PARD3B: variants seen among roughly 807,000 people sequenced by gnomAD.
PARD3B encodes partitioning defective 3 homolog B.
A neutral mutation model predicts 130.2 loss-of-function variants in PARD3B; 103 were observed. The ratio of observed to expected loss-of-function variants is 0.79; its 90% CI spans 0.67 to 0.93. The LOEUF is 0.93. PARD3B is among the 40% of genes least tolerant of loss of function. PARD3B has a pLI of 0.00. For missense variants in PARD3B, 1,609 were observed against 1,499.2 expected (o/e 1.07, Z -1.21); for synonymous variants, 583 against 553.2 (o/e 1.05, Z -0.76).
rs145446267 is a variant in PARD3B at position 205,176,953 on chromosome 2, A to G, written c.1924+376A>G. Among the ~76,000 whole-genome samples, 22 of 152,368 alleles carry G rather than the reference A, an allele frequency of 1.4e-4. No individual in the cohort carries two copies. The highest frequency in any genetic ancestry group is 2.4e-4 in the Non-Finnish European group (16 of 68,036). On this transcript the variant is annotated intron_variant, in intron 13 of 22. Coordinates refer to ENST00000406610, the MANE Select transcript of PARD3B (RefSeq NM_001302769.2). This position sits in a 1 kb window ranked among gnomAD's most constrained non-coding sequence, Gnocchi z 5.3. ...TTAAAAATGTATGGATTTATAATCC[A>G]TAAAATGGTCATAGCGTGATTCACA...
At chr2:205,554,889 C>T (rs2052809024) in intron 22 of PARD3B, among the ~76,000 whole-genome samples, 1 of 152,120 alleles carries the variant, frequency 6.6e-6, no homozygotes, top group Non-Finnish European at 1.5e-5. Context: ...ATATCAAGGA[C>T]TTGAGCATCT....
rs72932470 is a variant in PARD3B, at chr2:205,159,730, G to T, written c.1620+823G>T. Among the ~76,000 whole-genome samples, 3 of 152,254 alleles carry T rather than the reference G, an allele frequency of 2.0e-5. No homozygotes were observed. The East Asian group carries it at 5.8e-4, about 29-fold the overall frequency. On this transcript the variant is annotated intron_variant, in intron 11 of 22. Transcript: ENST00000406610. ...GCCACCCTCATTATTATCTCACACC[G>T]TGCAAGGAGACTTCTTGAGTTTGAA...
intron 2 of PARD3B, among the ~76,000 whole-genome samples, chr2:204,783,155 G>A (rs1018127533): frequency 1.3e-5 from 2 of 152,088 alleles, no homozygotes; most frequent in African/African-American, 4.8e-5. Context: ...TCATATCTGA[G>A]CTCTTCATGC....
intron 1 of PARD3B, among the ~76,000 whole-genome samples, chr2:204,581,439 T>A (rs1036884313): frequency 2.0e-5 from 3 of 152,196 alleles, no homozygotes; most frequent in Admixed American, 6.5e-5. Context: ...AATGTTAAAC[T>A]TGAATGGTTA....
At chr2:205,541,461 G>T (rs1280681781) in intron 21 of PARD3B, among the ~76,000 whole-genome samples, 1 of 149,850 alleles carries the variant, frequency 6.7e-6, no homozygotes, top group Non-Finnish European at 1.5e-5. Context: ...CAATTCTCCT[G>T]TCTCAGCCTC....
At chr2:205,382,529 C>T (rs1236193711) in intron 18 of PARD3B, among the ~76,000 whole-genome samples, 1 of 152,010 alleles carries the variant, frequency 6.6e-6, no homozygotes, top group East Asian at 1.9e-4. Flanking sequence ...TATTTTGAAA[C>T]TATGCAAATA....
At chr2:204,807,418 T>C (rs980436767) in intron 2 of PARD3B, among the ~76,000 whole-genome samples, 1 of 152,126 alleles carries the variant, frequency 6.6e-6, no homozygotes, top group African/African-American at 2.4e-5. Context: ...GTACAACCAC[T>C]ACGGAGAACA....
chr2:205,176,298 G>A lies in PARD3B; in HGVS notation c.1792-147G>A. The A allele has an allele frequency of 1.5e-6, 1 of 677,994 alleles. No individual in the cohort carries two copies. The highest frequency in any genetic ancestry group is 2.3e-6 in the Non-Finnish European group (1 of 434,680). The allele number at this position is 677,994 out of a possible 1,614,324, so 42.0% of individuals were successfully genotyped here. On this transcript the variant is annotated intron_variant, in intron 12 of 22. Transcript: ENST00000406610. This position sits in a 1 kb window ranked among gnomAD's most constrained non-coding sequence, Gnocchi z 5.3. ...ACTCAAAGATGTTTTCACTGATAGG[G>A]CCATTTTGAGTTTCCACAGTTGAGG...
At chr2:205,033,960 T>G (rs954274597) in intron 3 of PARD3B, among the ~76,000 whole-genome samples, 1 of 152,182 alleles carries the variant, frequency 6.6e-6, no homozygotes, top group Non-Finnish European at 1.5e-5. Flanking sequence ...ACTTTTATGC[T>G]CATTTACCAT....
chr2:204,808,248 C>T (rs1409374344), intron 2 of PARD3B, among the ~76,000 whole-genome samples: 2 of 151,840 alleles, frequency 1.3e-5, no homozygotes, highest in Non-Finnish European at 2.9e-5. Context: ...ATTTTAGTAC[C>T]TAAGAGTGAA....
At chr2:205,206,269 G>A (rs1307127023) in intron 15 of PARD3B, among the ~76,000 whole-genome samples, 9 of 145,932 alleles carry the variant, frequency 6.2e-5, no homozygotes, top group Non-Finnish European at 1.2e-4. Flanking sequence ...ACATTGTGCA[G>A]GTTAGTTACA....
At chr2:204,622,841 T>A (rs763740011) in intron 1 of PARD3B, among the ~76,000 whole-genome samples, 1 of 152,160 alleles carries the variant, frequency 6.6e-6, no homozygotes, top group East Asian at 1.9e-4. Context: ...TCAGTAAACA[T>A]TTGAGCTAGT....
intron 2 of PARD3B, among the ~76,000 whole-genome samples, chr2:204,691,130 T>C (rs2037335334): frequency 6.6e-6 from 1 of 152,152 alleles, no homozygotes; most frequent in African/African-American, 2.4e-5. Context: ...GCTTAATGCT[T>C]CCTTCCTTTT....
chr2:205,178,234 A>T (rs1476754048), intron 13 of PARD3B, among the ~76,000 whole-genome samples: 3 of 150,448 alleles, frequency 2.0e-5, no homozygotes, highest in Non-Finnish European at 3.0e-5. Context: ...GGGGGGAAAA[A>T]AAAAAGAAGA....
chr2:205,300,667 C>T lies in PARD3B; in HGVS notation c.2323C>T (p.Arg775Ter). The T allele has an allele frequency of 1.2e-6, 2 of 1,613,834 alleles. No homozygotes were observed. The highest frequency in any genetic ancestry group is 2.2e-5 in the East Asian group (1 of 44,866). The change falls in exon 17 of 23, where the codon CGA (arginine) becomes TGA (stop). Residue 775 changes from arginine to a stop codon, truncating the protein, a stop_gained. Transcript: ENST00000406610. LOFTEE classifies it high-confidence loss of function. The surrounding 1 kb of genome is among the most constrained non-coding windows in gnomAD (Gnocchi z 4.1). The stretch of plus-strand genomic sequence containing the variant: ...GCCCCGGCCGCACATGGTTCGAGGC[C>T]GAGGCTGCAATGAGAGCTTTAGAGC... ...HRPRPHMVRG[R>*]GCNESFRAAI...
At chr2:205,532,293 TTTGTG>T (rs1410181408) in intron 21 of PARD3B, among the ~76,000 whole-genome samples, 3 of 152,176 alleles carry the variant, frequency 2.0e-5, no homozygotes, top group African/African-American at 7.2e-5. Flanking sequence ...GTCATGTTTC[TTTGTG>T]TTATGTTTAG....
chr2:205,151,062 T>C (rs549528612), intron 10 of PARD3B, among the ~76,000 whole-genome samples: 1 of 152,348 alleles, frequency 6.6e-6, no homozygotes. Context: ...TAGCTCAATT[T>C]AGCTATTCCA....
At chr2:204,706,732 A>AT (rs1412628191) in intron 2 of PARD3B, among the ~76,000 whole-genome samples, 1 of 152,166 alleles carries the variant, frequency 6.6e-6, no homozygotes, top group Non-Finnish European at 1.5e-5. Context: ...GAGTTTCAGA[A>AT]TTGGAAATTT....
intron 1 of PARD3B, among the ~76,000 whole-genome samples, chr2:204,615,671 C>A (rs1239954020): frequency 1.3e-5 from 2 of 152,132 alleles, no homozygotes; most frequent in Non-Finnish European, 2.9e-5. Flanking sequence ...ACTTTTTAGA[C>A]AGCGTCTGCC....
Sources: allele counts gnomAD v4.1 joint callset (sites outside exome capture counted in the v4.1 genomes callset), GRCh38; gene constraint gnomAD v4.1.1; non-coding constraint Gnocchi (gnomAD v3.1); transcripts MANE v1.5; gene names NCBI Gene and HGNC (gene_info 2026-07-23, HGNC 2026-07-21).